Variants in NHSL1 observed in about 807,000 individuals in gnomAD.
NHSL1 encodes NHS like 1, also known as NHS-like protein 1.
A neutral mutation model predicts 95.0 loss-of-function variants in NHSL1; 48 were observed. That is an observed-to-expected ratio of 0.51 (90% CI 0.40 to 0.64). The LOEUF (loss-of-function observed/expected upper bound fraction) is 0.64, where lower values mean the gene tolerates loss of function less well. NHSL1 is among the 30% of genes least tolerant of loss of function. The pLI, the probability that NHSL1 is intolerant of heterozygous loss-of-function variation, is 0.00. For synonymous variants in NHSL1, 783 were observed against 833.9 expected, an observed-to-expected ratio of 0.94 and a Z score of 1.05; for missense variants, 1,971 against 2,077.7, an observed-to-expected ratio of 0.95 and a Z score of 1.00.
At chr6:138,566,390 T>C (rs902060376) in intron 1 of NHSL1, among the ~76,000 whole-genome samples, 1 of 145,438 alleles carries the variant, frequency 6.9e-6, no homozygotes, top group African/African-American at 2.8e-5. Context: ...AGAGCAAGAC[T>C]CTGTCTCAAA....
At chr6:138,460,132 T>C (rs1424438838) in intron 3 of NHSL1, among the ~76,000 whole-genome samples, 1 of 152,220 alleles carries the variant, frequency 6.6e-6, no homozygotes, top group East Asian at 1.9e-4. Context: ...TTACCTACTC[T>C]TTAAAATCTT....
intron 1 of NHSL1, among the ~76,000 whole-genome samples, chr6:138,604,132 A>G (rs980515168): frequency 6.6e-6 from 1 of 152,228 alleles, no homozygotes; most frequent in African/African-American, 2.4e-5. Context: ...GATCAACTTA[A>G]GTAGCTCTAA....
At chr6:138,514,020 A>G (rs1413776465) in intron 1 of NHSL1, among the ~76,000 whole-genome samples, 1 of 152,172 alleles carries the variant, frequency 6.6e-6, no homozygotes, top group African/African-American at 2.4e-5. Context: ...TACCAACTCT[A>G]AAGACTTTAT....
At chr6:138,531,623 C>G (rs901402022) in intron 1 of NHSL1, among the ~76,000 whole-genome samples, 6 of 151,920 alleles carry the variant, frequency 3.9e-5, no homozygotes, top group African/African-American at 1.5e-4. Flanking sequence ...CTTCAGCCTC[C>G]ACAGTAGCTG....
intron 1 of NHSL1, among the ~76,000 whole-genome samples, chr6:138,670,091 A>T (rs576320769): frequency 6.6e-6 from 1 of 152,126 alleles, no homozygotes; most frequent in Non-Finnish European, 1.5e-5. Context: ...ACTGCACTCC[A>T]GCCTGGGTGA....
chr6:138,525,264 G>T (rs1781851476), intron 1 of NHSL1, among the ~76,000 whole-genome samples: 1 of 152,160 alleles, frequency 6.6e-6, no homozygotes. Context: ...GGTGGCTTAT[G>T]CCTATAATCC....
chr6:138,546,426 AC>A (rs1266360705), upstream of NHSL1, among the ~76,000 whole-genome samples: 10 of 85,014 alleles, frequency 1.2e-4, no homozygotes, highest in African/African-American at 4.6e-4. Context: ...CCCCATCTCT[AC>A]AAAAAAAAAA....
At chr6:138,668,532 T>C (rs6917374) in intron 1 of NHSL1, among the ~76,000 whole-genome samples, 4,735 of 151,570 alleles carry the variant, frequency 0.031, 196 homozygotes, top group African/African-American at 0.092. Flanking sequence ...TTGCACCCCA[T>C]AAACATATGC....
chr6:138,519,222 T>C (rs1295533779), intron 1 of NHSL1, among the ~76,000 whole-genome samples: 3 of 151,632 alleles, frequency 2.0e-5, no homozygotes, highest in Non-Finnish European at 4.4e-5. Flanking sequence ...ACAACTTCAA[T>C]AGTATTTTTT....
chr6:138,482,029 G>A (rs1379626377), intron 2 of NHSL1, among the ~76,000 whole-genome samples: 1 of 152,164 alleles, frequency 6.6e-6, no homozygotes, highest in Admixed American at 6.5e-5. Context: ...AGGTAATAGA[G>A]TACAATGTGC....
chr6:138,491,844 T>C (rs1214164496), intron 2 of NHSL1, among the ~76,000 whole-genome samples: 1 of 152,224 alleles, frequency 6.6e-6, no homozygotes, highest in Non-Finnish European at 1.5e-5. Context: ...TGAGAATCCC[T>C]AATCCCAAAA....
At chr6:138,457,457 A>G (rs1435276164) in intron 3 of NHSL1, among the ~76,000 whole-genome samples, 3 of 152,170 alleles carry the variant, frequency 2.0e-5, no homozygotes, top group Non-Finnish European at 4.4e-5. Flanking sequence ...AAATAACCAG[A>G]ATCGACGTCC....
At chr6:138,479,042 A>T (rs1779260044) in intron 2 of NHSL1, among the ~76,000 whole-genome samples, 1 of 152,212 alleles carries the variant, frequency 6.6e-6, no homozygotes, top group Non-Finnish European at 1.5e-5. Flanking sequence ...TTTTTAATAT[A>T]GTAGTCCCTG....
chr6:138,581,722 A>T (rs769102589), intron 1 of NHSL1, among the ~76,000 whole-genome samples: 24 of 148,988 alleles, frequency 1.6e-4, no homozygotes, highest in Non-Finnish European at 3.4e-4. Context: ...AAAAAATTTC[A>T]GGAAAAAAAG....
chr6:138,618,642 T>G (rs1212056469), intron 1 of NHSL1, among the ~76,000 whole-genome samples: 1 of 152,070 alleles, frequency 6.6e-6, no homozygotes, highest in Non-Finnish European at 1.5e-5. Flanking sequence ...AAGAGAAAGG[T>G]AGAAAAGGAA....
chr6:138,521,422 C>T (rs995732246), intron 1 of NHSL1, among the ~76,000 whole-genome samples: 12 of 152,136 alleles, frequency 7.9e-5, no homozygotes, highest in African/African-American at 2.4e-4. Flanking sequence ...GCCATGATCA[C>T]GCCACTGCCC....
chr6:138,513,025 C>T (rs1407595174), intron 1 of NHSL1, among the ~76,000 whole-genome samples: 2 of 152,140 alleles, frequency 1.3e-5, no homozygotes, highest in Non-Finnish European at 1.5e-5. Flanking sequence ...ATTTAAAATT[C>T]GTACTTGATG....
At chr6:138,478,869 T>A (rs979381219) in intron 2 of NHSL1, among the ~76,000 whole-genome samples, 6 of 152,160 alleles carry the variant, frequency 3.9e-5, no homozygotes, top group Admixed American at 3.9e-4. Context: ...CCATTTTCCA[T>A]AGCACAAGGA....
chr6:138,470,975 A>G (rs1214842145), intron 3 of NHSL1, among the ~76,000 whole-genome samples: 2 of 152,052 alleles, frequency 1.3e-5, no homozygotes, highest in Non-Finnish European at 2.9e-5. Context: ...CATATAAAGG[A>G]TGACTTTTAT....
Sources: allele counts gnomAD v4.1 joint callset (sites outside exome capture counted in the v4.1 genomes callset), GRCh38; gene constraint gnomAD v4.1.1; transcripts MANE v1.5; gene names NCBI Gene and HGNC (gene_info 2026-07-23, HGNC 2026-07-21).